Variants in EEA1 observed in about 807,000 individuals in gnomAD.
EEA1 encodes early endosome antigen 1.
A neutral mutation model predicts 209.2 loss-of-function variants in EEA1; 111 were observed. The ratio of observed to expected loss-of-function variants is 0.53; its 90% CI spans 0.45 to 0.62. The LOEUF (loss-of-function observed/expected upper bound fraction) is 0.62, where lower values mean the gene tolerates loss of function less well. Ranked by LOEUF, EEA1 falls within the 20% of genes least tolerant of loss-of-function variation. The pLI is 0.00. For synonymous variants in EEA1, 536 were observed against 540.6 expected (o/e 0.99, Z 0.12); for missense variants, 1,343 against 1,530.8 (o/e 0.88, Z 2.05).
intron 1 of EEA1, among the ~76,000 whole-genome samples, 160 bp from the exon 2 acceptor site, chr12:92,891,881 C>T (rs1790849536): frequency 6.6e-6 from 1 of 152,112 alleles, no homozygotes; most frequent in Non-Finnish European, 1.5e-5. Flanking sequence ...GTACCTAATG[C>T]TGTATCAAAA....
chr12:92,822,135 C>T (rs1403536661), intron 13 of EEA1, among the ~76,000 whole-genome samples: 1 of 151,692 alleles, frequency 6.6e-6, no homozygotes, highest in Non-Finnish European at 1.5e-5. Flanking sequence ...TATCCGTTAC[C>T]TCGTAGCTTC....
chr12:92,835,400 CTTTTTTTT>C (rs140302130), intron 10 of EEA1: 219 of 154,218 alleles, frequency 1.4e-3, no homozygotes, highest in Non-Finnish European at 1.9e-3. Context: ...AGTTTCACTC[CTTTTTTTT>C]TTTTTTTTTT....
intron 1 of EEA1, among the ~76,000 whole-genome samples, chr12:92,907,566 A>G (rs1391839728): frequency 1.3e-5 from 2 of 152,052 alleles, no homozygotes; most frequent in Non-Finnish European, 2.9e-5. Context: ...ACCTTAATTC[A>G]TGTTGCAATC....
chr12:92,780,908 C>G (rs1313850015), intron 23 of EEA1, among the ~76,000 whole-genome samples: 1 of 152,066 alleles, frequency 6.6e-6, no homozygotes, highest in African/African-American at 2.4e-5. Flanking sequence ...CTATAAACAA[C>G]AGTTCTTTTT....
Position 92,895,114 on chromosome 12 carries a change from T to G in EEA1, c.25-3393A>C, listed in dbSNP as rs563301403. ...AAAGCCTAATTAATAGCACATCTGT[T>G]TACCACATGGATCACTGAATTTTTT... On this transcript the variant is annotated intron_variant, in intron 1 of 28. Coordinates refer to ENST00000322349, the MANE Select transcript of EEA1 (RefSeq NM_003566.4). Among the ~76,000 whole-genome samples, 158 of 150,944 alleles carry G rather than the reference T, an allele frequency of 1.0e-3. 3 individuals are homozygous for G. The highest frequency in any genetic ancestry group is 3.5e-3 in the African/African-American group (145 of 41,104).
rs147996038 is a variant in EEA1, at chr12:92,787,736, CAATTT to C, written c.3150+126_3150+130del. On this transcript the variant is annotated intron_variant, in intron 22 of 28. Coordinates refer to ENST00000322349, the MANE Select transcript of EEA1 (RefSeq NM_003566.4). ...TTTAAAGCATGCTAATACAAAATAA[CAATTT>C]AATAGAAAACAGCACACTATTCCAC... The C allele has an allele frequency of 4.4e-3, 3,180 of 719,524 alleles. 80 individuals carry two copies. In the African/African-American group the frequency reaches 0.053, roughly 12 times the overall value. The allele number at this position is 719,524 out of a possible 1,614,324, so 44.6% of individuals were successfully genotyped here. A position where few individuals can be genotyped will look rare whatever the true frequency, so the allele number is the denominator to read the frequency against.
rs1873592852 is a variant in EEA1, at chr12:92,774,913, C to T, written c.*1098G>A. On this transcript the variant is annotated 3_prime_UTR_variant, in exon 29 of 29. Transcript: ENST00000322349. Reference sequence around the variant, plus strand: ...TAGAAAGTAAAATATTTAATGTCTTCTTATCATTTTATATTTTGTTTTCAC... The same window carrying T: ...TAGAAAGTAAAATATTTAATGTCTTTTTATCATTTTATATTTTGTTTTCAC... 1 of 151,700 alleles carries T rather than the reference C, an allele frequency of 6.6e-6. No homozygotes were observed. Among genetic ancestry groups the T allele is most frequent in the Non-Finnish European group, 1.5e-5 (1 of 67,682 alleles). 9.4% of individuals were successfully genotyped at this position (151,700 alleles called of 1,614,324 possible). A position where few individuals can be genotyped will look rare whatever the true frequency, so the allele number is the denominator to read the frequency against.
chr12:92,826,350 G>A, intron 12 of EEA1, 65 bp from the exon 13 acceptor site: 1 of 1,435,172 alleles, frequency 7.0e-7, no homozygotes, highest in Non-Finnish European at 9.7e-7. Flanking sequence ...ATAAGTATCT[G>A]GCATTACTTC....
rs766317032 is a variant in EEA1 at position 92,895,308 on chromosome 12, C to A, written c.25-3587G>T. The A allele has an allele frequency of 1.4e-4, 21 of 152,086 alleles. 1 individual carries two copies. Among genetic ancestry groups the A allele is most frequent in the Middle Eastern group, 2.6e-3 (1 of 382 alleles). The allele number at this position is 152,086 out of a possible 1,614,324, so 9.4% of individuals were successfully genotyped here. A position where few individuals can be genotyped will look rare whatever the true frequency, so the allele number is the denominator to read the frequency against. ...CTCAGAGTAGCTGGGACTACAGGTG[C>A]CTGCCACCAAGGCCGCCTAATTGTT... is the stretch of plus-strand genomic sequence containing the variant. On this transcript the variant is annotated intron_variant, in intron 1 of 28. Transcript: ENST00000322349.
At chr12:92,805,587 T>C (rs1382848868) in intron 18 of EEA1, among the ~76,000 whole-genome samples, 1 of 152,222 alleles carries the variant, frequency 6.6e-6, no homozygotes, top group Non-Finnish European at 1.5e-5. Flanking sequence ...ACCAGTTATA[T>C]GAAGACATTC....
At chr12:92,809,525 A>G (rs1875389346) in intron 17 of EEA1, among the ~76,000 whole-genome samples, 1 of 135,696 alleles carries the variant, frequency 7.4e-6, no homozygotes, top group Admixed American at 7.5e-5. Context: ...ATCTCTACTA[A>G]AAAAAAAAAA....
chr12:92,829,792 A>C (rs866575211), intron 11 of EEA1, among the ~76,000 whole-genome samples: 28,464 of 138,476 alleles, frequency 0.21, 3,824 homozygotes, highest in Non-Finnish European at 0.31. Context: ...AAAAAAAAAA[A>C]AAAACAAAAA....
chr12:92,897,592 T>C (rs1879943588), intron 1 of EEA1, among the ~76,000 whole-genome samples: 1 of 152,196 alleles, frequency 6.6e-6, no homozygotes, highest in South Asian at 2.1e-4. Context: ...AATCTCTGCT[T>C]TCGTTCTTTT....
chr12:92,796,097 CAG>C (rs942997546), intron 21 of EEA1, among the ~76,000 whole-genome samples: 1 of 151,002 alleles, frequency 6.6e-6, no homozygotes, highest in Non-Finnish European at 1.5e-5. Context: ...AAAAAAAAAA[CAG>C]ATAAATGCAA....
At chr12:92,854,089 T>G (rs1315415885) in intron 5 of EEA1, 135 bp from the exon 6 acceptor site, 2 of 621,068 alleles carry the variant, frequency 3.2e-6, no homozygotes, top group Non-Finnish European at 5.1e-6. Context: ...AATTTAAATT[T>G]GGTGGTTTCC....
intron 2 of EEA1, among the ~76,000 whole-genome samples, chr12:92,867,395 C>T (rs1878449646): frequency 6.6e-6 from 1 of 151,882 alleles, no homozygotes; most frequent in Non-Finnish European, 1.5e-5. Flanking sequence ...TTTAAACATA[C>T]TATATTTTTC....
At chr12:92,779,736 T>C (rs1163518862) in intron 24 of EEA1, among the ~76,000 whole-genome samples, 1 of 152,104 alleles carries the variant, frequency 6.6e-6, no homozygotes, top group Non-Finnish European at 1.5e-5. Flanking sequence ...AATGAAAGTA[T>C]GCTTACAGAC....
chr12:92,844,483 AAAG>A (rs968310062), intron 9 of EEA1, among the ~76,000 whole-genome samples: 3 of 152,170 alleles, frequency 2.0e-5, no homozygotes, highest in African/African-American at 7.2e-5. Flanking sequence ...TATACAATTC[AAAG>A]AAGAAAATGT....
At chr12:92,783,350 T>G (rs1411862253) in intron 22 of EEA1, among the ~76,000 whole-genome samples, 1 of 152,196 alleles carries the variant, frequency 6.6e-6, no homozygotes, top group Non-Finnish European at 1.5e-5. Context: ...ACAGAAGTCT[T>G]CTGTGTTGAT....
Sources: allele counts gnomAD v4.1 joint callset (sites outside exome capture counted in the v4.1 genomes callset), GRCh38; gene constraint gnomAD v4.1.1; transcripts MANE v1.5; gene names NCBI Gene and HGNC (gene_info 2026-07-23, HGNC 2026-07-21).